ETV6: variants seen among roughly 807,000 people sequenced by gnomAD.
ETV6 encodes transcription factor ETV6.
In ETV6, 16 loss-of-function variants were observed where a neutral mutation model predicts 51.1. That is an observed-to-expected ratio of 0.31 (90% CI 0.21 to 0.48). The LOEUF (loss-of-function observed/expected upper bound fraction) is 0.48, where lower values mean the gene tolerates loss of function less well. Ranked by LOEUF, ETV6 falls within the 20% of genes least tolerant of loss-of-function variation. The probability of loss-of-function intolerance (pLI) is 0.99; values close to 1 mark genes in which losing one functional copy is unlikely to be tolerated. For missense variants in ETV6, 458 were observed against 594.8 expected (o/e 0.77, Z 2.39); for synonymous variants, 240 against 224.1 (o/e 1.07, Z -0.64).
chr12:11,706,791 C>T (rs573710113), intron 1 of ETV6, among the ~76,000 whole-genome samples: 40 of 152,320 alleles, frequency 2.6e-4, no homozygotes, highest in African/African-American at 8.2e-4. Flanking sequence ...TCAGATGGGG[C>T]GTACAATTTA....
rs1360967100 is a variant in ETV6 at position 11,859,150 on chromosome 12, T to C, written c.463+5589T>C. ...TTTTTTTTTTTTTTTTTTTTTTTTT[T>C]TTTTTTTTTGAGAAGGAGTCTTGCT... On this transcript the variant is annotated intron_variant, in intron 4 of 7. Transcript: ENST00000396373. Among the ~76,000 whole-genome samples the C allele has an allele frequency of 3.4e-4, 16 of 46,994 alleles. 1 individual carries two copies. Among genetic ancestry groups the C allele is most frequent in the Admixed American group, 7.3e-4 (3 of 4,110 alleles). The allele number at this position is 46,994 out of a possible 152,430, so 30.8% of individuals were successfully genotyped here. A position where few individuals can be genotyped will look rare whatever the true frequency, so the allele number is the denominator to read the frequency against.
intron 2 of ETV6, among the ~76,000 whole-genome samples, chr12:11,753,659 G>T (rs1440185875): frequency 1.3e-5 from 2 of 152,184 alleles, no homozygotes; most frequent in Admixed American, 6.5e-5. Context: ...GAGGATGCAG[G>T]TTCTTCCTTT....
At chr12:11,776,836 T>A (rs1314059050) in intron 2 of ETV6, among the ~76,000 whole-genome samples, 1 of 152,250 alleles carries the variant, frequency 6.6e-6, no homozygotes. Context: ...TCTCCGATGC[T>A]GACAAACCTT....
chr12:11,714,318 C>G (rs1224913358), intron 1 of ETV6, among the ~76,000 whole-genome samples: 1 of 152,160 alleles, frequency 6.6e-6, no homozygotes, highest in Admixed American at 6.5e-5. Context: ...TCTTTGCTCC[C>G]AATCAAAACT....
At chr12:11,683,250 G>A (rs1014824093) in intron 1 of ETV6, among the ~76,000 whole-genome samples, 1 of 152,146 alleles carries the variant, frequency 6.6e-6, no homozygotes, top group Non-Finnish European at 1.5e-5. Context: ...TGCCATGTTG[G>A]CCAGGCTGGT....
At chr12:11,684,753 T>G (rs566465071) in intron 1 of ETV6, among the ~76,000 whole-genome samples, 7 of 152,358 alleles carry the variant, frequency 4.6e-5, no homozygotes, top group Non-Finnish European at 8.8e-5. Flanking sequence ...GGTCATGTTT[T>G]CATATTATCT....
rs555878496 is a variant in ETV6, at chr12:11,773,530, C to T, written c.163+20951C>T. Among the ~76,000 whole-genome samples, 30 of 152,108 alleles carry T rather than the reference C, an allele frequency of 2.0e-4. No individual in the cohort carries two copies. The East Asian group carries it at 4.2e-3, about 22-fold the overall frequency. On this transcript the variant is annotated intron_variant, in intron 2 of 7. Transcript: ENST00000396373. ...AAATACACATTATTTTATTGTAATC[C>T]GCTAGTTTAAATTGTTTATTCTGCT...
At chr12:11,750,683 G>A in intron 1 of ETV6, 1 of 328,932 alleles carries the variant, frequency 3.0e-6, no homozygotes. Context: ...AAGAGTTGAA[G>A]AGTATGGAGA....
Position 11,759,175 on chromosome 12 carries a change from GAA to G in ETV6, c.163+6603_163+6604del, listed in dbSNP as rs901888217. Among the ~76,000 whole-genome samples, 3 of 146,074 alleles carry G rather than the reference GAA, an allele frequency of 2.1e-5. No homozygotes were observed. The Admixed American group carries it at 2.1e-4, about 10-fold the overall frequency. On this transcript the variant is annotated intron_variant, in intron 2 of 7. Transcript: ENST00000396373. ...TTTATAGATGTCTTTTTTTTTTTAA[GAA>G]AAAAAATATATAACCAGAGGTTTAC... is the stretch of plus-strand genomic sequence containing the variant.
chr12:11,688,138 G>A (rs205533), intron 1 of ETV6, among the ~76,000 whole-genome samples: 148,449 of 152,302 alleles, frequency 0.97, 72,444 homozygotes, highest in East Asian at 1. Flanking sequence ...CAGAGCCCCA[G>A]TCTTAGCCAC....
chr12:11,874,595 T>C (rs1298119148), intron 5 of ETV6, among the ~76,000 whole-genome samples: 2 of 12,912 alleles, frequency 1.5e-4, no homozygotes, highest in Non-Finnish European at 1.3e-3. Context: ...TGTATACACA[T>C]ATATGTGTAT....
chr12:11,655,866 G>C (rs75054645), intron 1 of ETV6, among the ~76,000 whole-genome samples: 2 of 152,162 alleles, frequency 1.3e-5, no homozygotes, highest in African/African-American at 4.8e-5. Flanking sequence ...TATGGATTTC[G>C]CTTACAGGAA....
intron 1 of ETV6, among the ~76,000 whole-genome samples, chr12:11,723,860 G>A (rs559608038): frequency 1.2e-4 from 19 of 152,054 alleles, no homozygotes; most frequent in South Asian, 2.1e-4. Flanking sequence ...TCTTTAAAAC[G>A]AGTATTCCTT....
intron 4 of ETV6, among the ~76,000 whole-genome samples, chr12:11,859,468 T>C (rs1274700322): frequency 6.6e-6 from 1 of 152,112 alleles, no homozygotes; most frequent in Non-Finnish European, 1.5e-5. Flanking sequence ...AACAAAATAA[T>C]AGCTAACATT....
intron 1 of ETV6, among the ~76,000 whole-genome samples, chr12:11,662,046 T>G (rs540001162): frequency 6.6e-6 from 1 of 152,272 alleles, no homozygotes; most frequent in South Asian, 2.1e-4. Context: ...GACCTCGGTG[T>G]TAGGTAACAT....
chr12:11,660,598 CAAAAA>C (rs3983865), intron 1 of ETV6, among the ~76,000 whole-genome samples: 1 of 106,470 alleles, frequency 9.4e-6, no homozygotes, highest in Non-Finnish European at 1.8e-5. Flanking sequence ...GACTCTGTCT[CAAAAA>C]AAAAAAAAAA....
chr12:11,714,865 GT>G (rs1865245813), intron 1 of ETV6, among the ~76,000 whole-genome samples: 1 of 152,104 alleles, frequency 6.6e-6, no homozygotes, highest in Non-Finnish European at 1.5e-5. Context: ...CACAAAGACG[GT>G]TAGAAGGCAG....
At chr12:11,689,688 C>G (rs932500839) in intron 1 of ETV6, among the ~76,000 whole-genome samples, 1 of 151,860 alleles carries the variant, frequency 6.6e-6, no homozygotes, top group Non-Finnish European at 1.5e-5. Context: ...TTTGGGGAAG[C>G]GGGAGCTTTC....
At position 11,650,345 on chromosome 12, in the gene ETV6, C is replaced by G. The variant is rs573826637; in HGVS notation, c.33+185C>G. Among the ~76,000 whole-genome samples the G allele has an allele frequency of 0.033, 771 of 23,720 alleles. 9 individuals carry two copies. Among genetic ancestry groups the G allele is most frequent in the African/African-American group, 0.041 (732 of 17,964 alleles). The allele number at this position is 23,720 out of a possible 152,430, so 15.6% of individuals were successfully genotyped here. ...TACCCTTTAGCGTAACCTTGCTACT[C>G]CCCCCCACCGCCGAGCCCCTGCCGG... is the stretch of plus-strand genomic sequence containing the variant. On this transcript the variant is annotated intron_variant, in intron 1 of 7. Coordinates refer to ENST00000396373, the MANE Select transcript of ETV6 (RefSeq NM_001987.5).
Sources: gnomAD v4.1 joint callset for allele counts (sites outside exome capture counted in the v4.1 genomes callset) on GRCh38, gnomAD v4.1.1 for gene constraint, MANE v1.5 for transcripts, NCBI Gene and HGNC (gene_info 2026-07-23, HGNC 2026-07-21) for gene names.